The following WDR49 variants were observed in gnomAD, a reference collection of about 807,000 sequenced individuals.
WDR49 encodes WD repeat domain 49.
A neutral mutation model predicts 119.5 loss-of-function variants in WDR49; 107 were observed. The ratio of observed to expected loss-of-function variants is 0.90; its 90% CI spans 0.77 to 1.05. The LOEUF is 1.05. WDR49 is among the 50% of genes least tolerant of loss of function. WDR49 has a pLI of 0.00. For synonymous variants in WDR49, 425 were observed against 418.8 expected (o/e 1.01, Z -0.18); for missense variants, 1,240 against 1,220.5 (o/e 1.02, Z -0.24).
At chr3:167,580,772 C>G (rs114016020) in intron 7 of WDR49, among the ~76,000 whole-genome samples, 2,661 of 152,216 alleles carry the variant, frequency 0.017, 58 homozygotes, top group Non-Finnish European at 0.019. Flanking sequence ...CCTGCGTTCT[C>G]ACCTTCTTTT....
intron 5 of WDR49, among the ~76,000 whole-genome samples, chr3:167,607,306 G>A (rs1716106742): frequency 6.6e-6 from 1 of 152,208 alleles, no homozygotes; most frequent in Admixed American, 6.5e-5. Context: ...GAAGGTCAGA[G>A]AGAAACTTTG....
At chr3:167,601,425 A>G (rs1327078962) in intron 7 of WDR49, among the ~76,000 whole-genome samples, 1 of 152,176 alleles carries the variant, frequency 6.6e-6, no homozygotes, top group South Asian at 2.1e-4. Flanking sequence ...CCTCCTCTTC[A>G]TAACCAACTA....
intron 18 of WDR49, among the ~76,000 whole-genome samples, chr3:167,490,115 C>G (rs1040682002): frequency 2.6e-5 from 4 of 152,030 alleles, no homozygotes; most frequent in African/African-American, 9.7e-5. Context: ...TTATTTCAGC[C>G]ACCATCCAGT....
At chr3:167,597,926 G>T (rs145052111) in intron 7 of WDR49, among the ~76,000 whole-genome samples, 310 of 152,260 alleles carry the variant, frequency 2.0e-3, no homozygotes, top group African/African-American at 6.9e-3. Flanking sequence ...TCTCAGATAA[G>T]ACTTTGGAAT....
chr3:167,521,993 GA>G (rs1752459674), intron 16 of WDR49, among the ~76,000 whole-genome samples: 1 of 143,096 alleles, frequency 7.0e-6, no homozygotes, highest in African/African-American at 2.6e-5. Context: ...TAGATAGATA[GA>G]TAGATAGATA....
chr3:167,550,708 C>T (rs1226734234), intron 10 of WDR49, among the ~76,000 whole-genome samples: 1 of 148,436 alleles, frequency 6.7e-6, no homozygotes, highest in Non-Finnish European at 1.5e-5. Flanking sequence ...GAGGGAAAAA[C>T]ACAGAGATTT....
intron 16 of WDR49, among the ~76,000 whole-genome samples, chr3:167,520,267 A>G (rs932788382): frequency 3.3e-5 from 5 of 151,956 alleles, no homozygotes; most frequent in African/African-American, 1.2e-4. Flanking sequence ...TGTTTAAAGG[A>G]TAACTGAGTT....
Position 167,627,052 on chromosome 3 carries a change from G to A in WDR49, c.406C>T (p.Pro136Ser). 7.6e-7 allele frequency: 1 copy of A among 1,309,606 alleles called. No homozygotes were observed. The highest frequency in any genetic ancestry group is 9.7e-7 in the Non-Finnish European group (1 of 1,029,682). 81.1% of individuals were successfully genotyped at this position (1,309,606 alleles called of 1,614,324 possible). A position where few individuals can be genotyped will look rare whatever the true frequency, so the allele number is the denominator to read the frequency against. ...TGAATGGTGTCCTTGTGTTTTACTG[G>A]GAGGAATTCAAGGTCCTTCCACTGG... Reference protein sequence around the residue: ...VPQWKDLEFLPVKHKDTIQKV... With the variant: ...VPQWKDLEFLSVKHKDTIQKV... The change falls in exon 3 of 19, where the codon CCA (proline) becomes TCA (serine). Residue 136 changes from proline (P) to serine (S), a missense_variant. Physicochemically the swap from Pro to Ser is moderately conservative, Grantham distance 74. Transcript: ENST00000682715.
intron 5 of WDR49, among the ~76,000 whole-genome samples, chr3:167,609,110 G>A (rs1716206654): frequency 6.6e-6 from 1 of 152,076 alleles, no homozygotes; most frequent in African/African-American, 2.4e-5. Flanking sequence ...TATAACATTT[G>A]CCAACTGATA....
At chr3:167,621,089 AG>A in intron 4 of WDR49, among the ~76,000 whole-genome samples, 1 of 152,286 alleles carries the variant, frequency 6.6e-6, no homozygotes, top group East Asian at 1.9e-4. Context: ...TACTCTATGT[AG>A]GAAAATCAGA....
chr3:167,542,422 A>C (rs1408499654), intron 10 of WDR49, among the ~76,000 whole-genome samples: 1 of 152,154 alleles, frequency 6.6e-6, no homozygotes, highest in Non-Finnish European at 1.5e-5. Flanking sequence ...AGAAAATTGA[A>C]GTTATATCAA....
chr3:167,561,351 G>A (rs992723641), intron 8 of WDR49, among the ~76,000 whole-genome samples: 2 of 152,010 alleles, frequency 1.3e-5, no homozygotes, highest in South Asian at 2.1e-4. Flanking sequence ...AAAACCACCT[G>A]GGGAACTTTA....
At chr3:167,606,943 A>G (rs1716089825) in intron 5 of WDR49, among the ~76,000 whole-genome samples, 1 of 152,182 alleles carries the variant, frequency 6.6e-6, no homozygotes, top group Non-Finnish European at 1.5e-5. Context: ...TATACAAGAC[A>G]CTGTCCATTT....
chr3:167,493,734 ATCAACTATAGTT>A (rs1751239627), intron 18 of WDR49, among the ~76,000 whole-genome samples: 1 of 152,196 alleles, frequency 6.6e-6, no homozygotes, highest in African/African-American at 2.4e-5. Context: ...AAACATGTCT[ATCAACTATAGTT>A]TCTTTTCAGT....
At chr3:167,602,305 T>C in intron 6 of WDR49, 30 bp from the exon 7 acceptor site, 1 of 1,544,344 alleles carries the variant, frequency 6.5e-7, no homozygotes, top group Middle Eastern at 1.7e-4. Context: ...AAAAAAATGT[T>C]TTTAATAGCA....
At chr3:167,500,864 G>C (rs955817677) in intron 17 of WDR49, among the ~76,000 whole-genome samples, 7 of 152,178 alleles carry the variant, frequency 4.6e-5, no homozygotes, top group Non-Finnish European at 8.8e-5. Flanking sequence ...TTGGATAATA[G>C]AATGGAAATC....
chr3:167,585,784 T>C (rs565328845), intron 7 of WDR49, among the ~76,000 whole-genome samples: 1 of 152,182 alleles, frequency 6.6e-6, no homozygotes, highest in East Asian at 1.9e-4. Context: ...ACATAGTAAG[T>C]ATATAGCAAA....
At chr3:167,527,003 C>T (rs1752660001) in intron 15 of WDR49, among the ~76,000 whole-genome samples, 1 of 152,074 alleles carries the variant, frequency 6.6e-6, no homozygotes, top group Non-Finnish European at 1.5e-5. Flanking sequence ...AGGAAAAGTT[C>T]CCAAGAAAGC....
intron 11 of WDR49, among the ~76,000 whole-genome samples, chr3:167,534,139 G>T (rs1350579128): frequency 6.6e-6 from 1 of 151,830 alleles, no homozygotes; most frequent in Admixed American, 6.6e-5. Context: ...AGGTTGCAGT[G>T]AGCCGAGATT....
Sources: gnomAD v4.1 joint callset for allele counts (sites outside exome capture counted in the v4.1 genomes callset) on GRCh38, gnomAD v4.1.1 for gene constraint, MANE v1.5 for transcripts, NCBI Gene and HGNC (gene_info 2026-07-23, HGNC 2026-07-21) for gene names.